The following ARID1B variants were observed in gnomAD, a reference collection of about 807,000 sequenced individuals.
ARID1B encodes AT-rich interactive domain-containing protein 1B.
In ARID1B, 30 loss-of-function variants were observed where a neutral mutation model predicts 212.3. The ratio of observed to expected loss-of-function variants is 0.14; its 90% confidence interval spans 0.11 to 0.19. The LOEUF (loss-of-function observed/expected upper bound fraction) is 0.19. ARID1B is among the 10% of genes least tolerant of loss of function. ARID1B has a pLI of 1.00. For synonymous variants in ARID1B, 1,402 were observed against 1,301.7 expected, an observed-to-expected ratio of 1.08 and a Z score of -1.66; for missense variants, 2,891 against 3,204.0, an observed-to-expected ratio of 0.90 and a Z score of 2.36.
rs77868468 is a variant in ARID1B at position 157,034,845 on chromosome 6, A to C, written c.2248-49817A>C. ...GTAAAGGATACTTGAACTAGGGTAC[A>C]TATATATGTAAACAATAGTGCTTTT... On this transcript the variant is annotated intron_variant, in intron 4 of 19. Coordinates refer to ENST00000636930, the MANE Select transcript of ARID1B (RefSeq NM_001374828.1). Among the ~76,000 whole-genome samples, 845 of 152,372 alleles carry C rather than the reference A, an allele frequency of 5.5e-3. 14 individuals carry two copies. The highest frequency in any genetic ancestry group is 0.02 in the African/African-American group (816 of 41,578).
chr6:157,075,146 C>G (rs1427326135), intron 4 of ARID1B, among the ~76,000 whole-genome samples: 1 of 32,488 alleles, frequency 3.1e-5, no homozygotes, highest in Admixed American at 4.1e-4. Flanking sequence ...CCAGCTGCCC[C>G]TGTACAAAAA....
intron 13 of ARID1B, among the ~76,000 whole-genome samples, chr6:157,188,104 C>G (rs1027555434): frequency 6.6e-6 from 1 of 151,868 alleles, no homozygotes; most frequent in Non-Finnish European, 1.5e-5. Context: ...AAAATACCTA[C>G]AATAAGTGTC....
intron 3 of ARID1B, among the ~76,000 whole-genome samples, chr6:156,912,023 AAAGAT>A (rs1457740024): frequency 1.3e-5 from 2 of 152,378 alleles, no homozygotes; most frequent in Non-Finnish European, 2.9e-5. Flanking sequence ...GTAAGAAAGT[AAAGAT>A]TTCTTTTCTT....
chr6:157,137,796 A>T (rs573981844), intron 7 of ARID1B, among the ~76,000 whole-genome samples: 1 of 152,262 alleles, frequency 6.6e-6, no homozygotes, highest in South Asian at 2.1e-4. Context: ...ACCTGGGTTT[A>T]TGCCTGATTT....
chr6:157,194,305 A>G (rs570849144), intron 15 of ARID1B: 21 of 152,364 alleles, frequency 1.4e-4, no homozygotes, highest in African/African-American at 4.6e-4. Context: ...TGGTTCTACC[A>G]CAGGTTGATG....
At chr6:156,977,446 A>G (rs1252582384) in intron 4 of ARID1B, among the ~76,000 whole-genome samples, 3 of 152,170 alleles carry the variant, frequency 2.0e-5, no homozygotes, top group Admixed American at 1.3e-4. Flanking sequence ...ATCCAGTGAA[A>G]AAGTGAAAAT....
chr6:156,918,172 A>T (rs1312682917), intron 3 of ARID1B, among the ~76,000 whole-genome samples: 1 of 152,218 alleles, frequency 6.6e-6, no homozygotes, highest in Non-Finnish European at 1.5e-5. Flanking sequence ...ACAGCATGCC[A>T]CTCAAGTCAT....
chr6:157,113,287 A>G (rs1787066250), intron 6 of ARID1B, among the ~76,000 whole-genome samples: 1 of 152,252 alleles, frequency 6.6e-6, no homozygotes, highest in Non-Finnish European at 1.5e-5. Context: ...GATTTTTATG[A>G]ATGTGATCTC....
rs572087356 is a variant in ARID1B, at chr6:156,998,290, G to C, written c.2247+62714G>C. Among the ~76,000 whole-genome samples the C allele has an allele frequency of 5.3e-5, 8 of 150,002 alleles. No individual in the cohort carries two copies. The South Asian group carries it at 1.7e-3, about 32-fold the overall frequency. ...GGCTGGAGTGCAGTGGCGCGATCTT[G>C]GCTCACTGCAACCTCTGCCTCCCAG... On this transcript the variant is annotated intron_variant, in intron 4 of 19. Coordinates refer to ENST00000636930, the MANE Select transcript of ARID1B (RefSeq NM_001374828.1).
At chr6:157,051,880 T>C (rs921339034) in intron 4 of ARID1B, among the ~76,000 whole-genome samples, 2 of 152,228 alleles carry the variant, frequency 1.3e-5, no homozygotes, top group Non-Finnish European at 2.9e-5. Context: ...TATATTACTT[T>C]GTAACCATAT....
At chr6:156,965,084 T>TG (rs1794651063) in intron 4 of ARID1B, among the ~76,000 whole-genome samples, 1 of 152,256 alleles carries the variant, frequency 6.6e-6, no homozygotes, top group South Asian at 2.1e-4. Context: ...CTCTTCCCTA[T>TG]GTCCTGTATG....
intron 4 of ARID1B, chr6:156,937,999 A>C (rs963072873): frequency 4.6e-5 from 7 of 152,160 alleles, no homozygotes; most frequent in Non-Finnish European, 5.9e-5. Context: ...GTTTTATGTT[A>C]AGTATGTAGA....
At chr6:156,961,488 G>A (rs1358386075) in intron 4 of ARID1B, among the ~76,000 whole-genome samples, 1 of 152,224 alleles carries the variant, frequency 6.6e-6, no homozygotes, top group African/African-American at 2.4e-5. Context: ...CTGGCGCGGG[G>A]TCCTCTCCCG....
At chr6:157,050,509 A>T (rs1782530142) in intron 4 of ARID1B, among the ~76,000 whole-genome samples, 2 of 152,144 alleles carry the variant, frequency 1.3e-5, no homozygotes, top group African/African-American at 4.8e-5. Context: ...ACACCACTGC[A>T]CTCCAGCCTG....
At chr6:156,795,885 A>T (rs1346393743) in intron 1 of ARID1B, among the ~76,000 whole-genome samples, 3 of 152,172 alleles carry the variant, frequency 2.0e-5, no homozygotes, top group African/African-American at 7.2e-5. Flanking sequence ...TTTAAAAAAA[A>T]ATTCAGTTTA....
intron 6 of ARID1B, among the ~76,000 whole-genome samples, chr6:157,125,509 G>A (rs930893414): frequency 6.6e-6 from 1 of 152,224 alleles, no homozygotes; most frequent in Non-Finnish European, 1.5e-5. Context: ...CACTTTGGAT[G>A]ACACCCACTG....
At chr6:157,152,197 C>T (rs1790248306) in intron 8 of ARID1B, 1 of 152,150 alleles carries the variant, frequency 6.6e-6, no homozygotes, top group African/African-American at 2.4e-5. Context: ...CTCTTTAGAC[C>T]CACAAAGCTA....
At position 156,779,071 on chromosome 6, in the gene ARID1B, GC is replaced by G; in HGVS notation, c.1395del (p.Gly467AlafsTer46). 8.2e-7 allele frequency: 1 copy of G among 1,225,258 alleles called. No homozygotes were observed. 75.9% of individuals were successfully genotyped at this position (1,225,258 alleles called of 1,614,324 possible). A position where few individuals can be genotyped will look rare whatever the true frequency, so the allele number is the denominator to read the frequency against. On this transcript the variant is annotated frameshift_variant, in exon 1 of 20. Coordinates refer to ENST00000636930, the MANE Select transcript of ARID1B (RefSeq NM_001374828.1). LOFTEE classifies it high-confidence loss of function. ...PRQQGGGMMM[G>X]PGGGGAASLS... is the part of the protein sequence containing the mutation. ...CAGCAGGGCGGCGGCATGATGATGG[GC>G]CCCGGGGGCGGCGGGGCCGCGAGCC...
At chr6:156,882,470 T>C (rs1787176348) in intron 2 of ARID1B, among the ~76,000 whole-genome samples, 1 of 152,156 alleles carries the variant, frequency 6.6e-6, no homozygotes, top group Non-Finnish European at 1.5e-5. Context: ...AGTCAACACA[T>C]GTGAATAATG....
Sources: gnomAD v4.1 joint callset for allele counts (sites outside exome capture counted in the v4.1 genomes callset) on GRCh38, gnomAD v4.1.1 for gene constraint, MANE v1.5 for transcripts, NCBI Gene and HGNC (gene_info 2026-07-23, HGNC 2026-07-21) for gene names.